The following COMMD1 variants were observed in gnomAD, a reference collection of about 807,000 sequenced individuals.
COMMD1 encodes the protein copper metabolism domain containing 1.
In COMMD1, 10 loss-of-function variants were observed where a neutral mutation model predicts 17.2. The ratio of observed to expected loss-of-function variants is 0.58; its 90% CI spans 0.36 to 0.99. The LOEUF (loss-of-function observed/expected upper bound fraction) is 0.99. Among genes scored for constraint, COMMD1 ranks in the 50% least tolerant of loss-of-function variants. COMMD1 has a pLI of 0.01. For synonymous variants in COMMD1, 97 were observed against 91.6 expected, an observed-to-expected ratio of 1.06 and a Z score of -0.34; for missense variants, 270 against 231.8, an observed-to-expected ratio of 1.17 and a Z score of -1.07.
chr2:61,902,525 G>T (rs1405733464), upstream of COMMD1, among the ~76,000 whole-genome samples: 1 of 151,046 alleles, frequency 6.6e-6, no homozygotes, highest in Non-Finnish European at 1.5e-5. Flanking sequence ...AAAAAGAAAA[G>T]AAATCACTGA....
chr2:62,023,393 G>A (rs1416083679), intron 2 of COMMD1, among the ~76,000 whole-genome samples: 1 of 152,024 alleles, frequency 6.6e-6, no homozygotes, highest in African/African-American at 2.4e-5. Context: ...CTGAATGTGT[G>A]TATTGTGAGG....
intron 1 of COMMD1, among the ~76,000 whole-genome samples, chr2:61,958,713 G>A (rs1671261999): frequency 6.6e-6 from 1 of 152,100 alleles, no homozygotes; most frequent in Admixed American, 6.5e-5. Context: ...GATCATAAAT[G>A]TTTGGTTTTA....
chr2:62,047,377 C>T (rs571191718), intron 2 of COMMD1, among the ~76,000 whole-genome samples: 8 of 152,294 alleles, frequency 5.3e-5, no homozygotes, highest in Non-Finnish European at 7.4e-5. Context: ...TAGGCCTTCA[C>T]GTTCACGGAC....
At chr2:62,126,944 G>A (rs144329409) in intron 2 of COMMD1, among the ~76,000 whole-genome samples, 24 of 152,298 alleles carry the variant, frequency 1.6e-4, no homozygotes, top group African/African-American at 5.8e-4. Context: ...AATTGTCTTT[G>A]TTTGCAGATG....
chr2:62,101,954 A>T (rs897710767), intron 2 of COMMD1, among the ~76,000 whole-genome samples: 48 of 152,122 alleles, frequency 3.2e-4, no homozygotes, highest in African/African-American at 1.2e-3. Context: ...CTCTCCCTGA[A>T]GGTCAGCCTA....
chr2:62,076,340 G>C (rs758384214), intron 2 of COMMD1, among the ~76,000 whole-genome samples: 4 of 152,228 alleles, frequency 2.6e-5, no homozygotes, highest in Non-Finnish European at 5.9e-5. Flanking sequence ...GGCAAGAGGT[G>C]GTGAGGTTGG....
rs1006385290 is a variant in COMMD1 at position 61,958,166 on chromosome 2, C to A, written c.181-42535C>A. On this transcript the variant is annotated intron_variant, in intron 1 of 2. Transcript: ENST00000311832. ...TACCTTTTAGTTATTTTTCCTGATCCTCTTTCTCCTCCCACTCTCTACCCT... is the reference window on the plus strand; with the variant it reads ...TACCTTTTAGTTATTTTTCCTGATCATCTTTCTCCTCCCACTCTCTACCCT... 3.1e-4 allele frequency among the ~76,000 whole-genome samples: 47 copies of A among 152,020 alleles called. 1 individual carries two copies. The highest frequency in any genetic ancestry group is 2.6e-3 in the Admixed American group (40 of 15,240).
intron 2 of COMMD1, among the ~76,000 whole-genome samples, chr2:62,050,130 G>A (rs1316523866): frequency 6.6e-6 from 1 of 152,116 alleles, no homozygotes; most frequent in Non-Finnish European, 1.5e-5. Flanking sequence ...GATTCCATAC[G>A]TCTGAGGGGA....
upstream of COMMD1, chr2:61,888,631 G>T (rs377594655): frequency 9.1e-5 from 110 of 1,207,114 alleles, no homozygotes; most frequent in African/African-American, 1.5e-3. Context: ...CGGCGCCGGC[G>T]TCGGGAGGAG....
intron 1 of COMMD1, among the ~76,000 whole-genome samples, chr2:61,977,216 A>G (rs1183415137): frequency 6.6e-6 from 1 of 150,632 alleles, no homozygotes; most frequent in Non-Finnish European, 1.5e-5. Flanking sequence ...TATGAATCTA[A>G]AACTGCTGTA....
intron 2 of COMMD1, among the ~76,000 whole-genome samples, chr2:62,092,489 T>A (rs1461799507): frequency 6.6e-6 from 1 of 152,166 alleles, no homozygotes; most frequent in African/African-American, 2.4e-5. Flanking sequence ...GTGCTTGTTT[T>A]AGGAGTGAAA....
chr2:62,127,762 G>A (rs1182642806), intron 2 of COMMD1, among the ~76,000 whole-genome samples: 1 of 152,196 alleles, frequency 6.6e-6, no homozygotes, highest in East Asian at 1.9e-4. Context: ...AGTGGCTCAT[G>A]TCTGTAATCC....
intron 1 of COMMD1, among the ~76,000 whole-genome samples, chr2:61,981,952 A>T (rs1256850587): frequency 2.0e-5 from 3 of 152,070 alleles, no homozygotes; most frequent in African/African-American, 7.2e-5. Context: ...TTTGCTCAGG[A>T]TAGCTTTGGC....
intron 1 of COMMD1, among the ~76,000 whole-genome samples, chr2:61,985,915 A>G (rs1419886413): frequency 6.6e-6 from 1 of 152,030 alleles, no homozygotes; most frequent in Non-Finnish European, 1.5e-5. Flanking sequence ...ACACACCCCA[A>G]TACAGTATTA....
chr2:62,052,544 G>T (rs1443412694), intron 2 of COMMD1, among the ~76,000 whole-genome samples: 1 of 152,108 alleles, frequency 6.6e-6, no homozygotes, highest in African/African-American at 2.4e-5. Flanking sequence ...ATGCAGGAAG[G>T]TTCAAAGAAG....
intron 1 of COMMD1, among the ~76,000 whole-genome samples, chr2:61,932,485 C>T (rs762259634): frequency 1.3e-5 from 2 of 152,078 alleles, no homozygotes; most frequent in Non-Finnish European, 2.9e-5. Flanking sequence ...TCACCATATA[C>T]ATAGGAGAGG....
intron 2 of COMMD1, among the ~76,000 whole-genome samples, chr2:62,068,788 C>A (rs1334131426): frequency 1.3e-5 from 2 of 151,670 alleles, no homozygotes; most frequent in African/African-American, 2.4e-5. Context: ...GCACACCCGG[C>A]TGATTTTTTA....
At chr2:62,052,842 A>G (rs1429748883) in intron 2 of COMMD1, among the ~76,000 whole-genome samples, 1 of 152,180 alleles carries the variant, frequency 6.6e-6, no homozygotes, top group African/African-American at 2.4e-5. Flanking sequence ...TGGGAGGTTA[A>G]GGTGGGTGAA....
chr2:61,972,778 T>C (rs1467433263), intron 1 of COMMD1, among the ~76,000 whole-genome samples: 1 of 152,204 alleles, frequency 6.6e-6, no homozygotes, highest in African/African-American at 2.4e-5. Context: ...ATGCATAATG[T>C]CACATATTTG....
Sources: gnomAD v4.1 joint callset for allele counts (sites outside exome capture counted in the v4.1 genomes callset) on GRCh38, gnomAD v4.1.1 for gene constraint, MANE v1.5 for transcripts, NCBI Gene and HGNC (gene_info 2026-07-23, HGNC 2026-07-21) for gene names.